Variants in GRHL1 observed in about 807,000 individuals in gnomAD.
GRHL1 encodes the protein grainyhead like transcription factor 1.
A neutral mutation model predicts 75.7 loss-of-function variants in GRHL1; 38 were observed. That is an observed-to-expected ratio of 0.50 (90% CI 0.39 to 0.66). The LOEUF (loss-of-function observed/expected upper bound fraction) is 0.66. Among genes scored for constraint, GRHL1 ranks in the 30% least tolerant of loss-of-function variants. The probability of loss-of-function intolerance (pLI) is 0.00; values close to 1 mark genes in which losing one functional copy is unlikely to be tolerated. For missense variants in GRHL1, 589 were observed against 767.5 expected, an observed-to-expected ratio of 0.77 and a Z score of 2.75; for synonymous variants, 266 against 279.4, an observed-to-expected ratio of 0.95 and a Z score of 0.48.
At chr2:9,969,161 G>T (rs562350223) in intron 8 of GRHL1, among the ~76,000 whole-genome samples, 15 of 152,292 alleles carry the variant, frequency 9.8e-5, no homozygotes, top group African/African-American at 2.4e-5. Context: ...ATTGAGATTT[G>T]CTGAGTGATA....
chr2:9,957,634 C>T (rs1356974253), intron 2 of GRHL1, among the ~76,000 whole-genome samples: 2 of 152,088 alleles, frequency 1.3e-5, no homozygotes, highest in South Asian at 2.1e-4. Flanking sequence ...TGGTCTCGAT[C>T]TCTTGACCTT....
chr2:9,980,532 T>G (rs1034837234), intron 8 of GRHL1, among the ~76,000 whole-genome samples: 3 of 152,206 alleles, frequency 2.0e-5, no homozygotes, highest in African/African-American at 7.2e-5. Context: ...AGGAATCTTG[T>G]AGAGCACCTT....
chr2:9,996,491 T>TA (rs1327212087), intron 14 of GRHL1, 90 bp downstream of exon 14: 1 of 931,556 alleles, frequency 1.1e-6, no homozygotes, highest in African/African-American at 1.6e-5. Flanking sequence ...ATGATCCAAA[T>TA]CCTTTGTCAG....
At chr2:9,955,784 T>A (rs1214651838) in intron 2 of GRHL1, among the ~76,000 whole-genome samples, 1 of 152,242 alleles carries the variant, frequency 6.6e-6, no homozygotes, top group Non-Finnish European at 1.5e-5. Flanking sequence ...GGGGCCCTAG[T>A]CTGGTCCATG....
At chr2:9,961,986 T>A (rs915796030) in intron 4 of GRHL1, among the ~76,000 whole-genome samples, 6 of 152,108 alleles carry the variant, frequency 3.9e-5, no homozygotes, top group African/African-American at 1.4e-4. Context: ...AGTGACTTGG[T>A]GGGGTAAAGA....
intron 14 of GRHL1, 24 bp downstream of exon 14, chr2:9,996,425 C>A (rs751982397): frequency 1.4e-6 from 2 of 1,397,510 alleles, no homozygotes; most frequent in East Asian, 2.3e-5. Context: ...ACTCTGTAAT[C>A]CCCTGTACAA....
At position 9,951,767 on chromosome 2, in the gene GRHL1, C is replaced by T; in HGVS notation, c.-67C>T. On this transcript the variant is annotated 5_prime_UTR_variant, in exon 1 of 16. Transcript: ENST00000324907. This position sits in a 1 kb window ranked among gnomAD's most constrained non-coding sequence, Gnocchi z 4.2. ...CAGCCGCCGCCGCCGCCTCCTCCCC[C>T]CGGATCGGGTGTACTGTCCCAACCC... The T allele has an allele frequency of 1.4e-6, 2 of 1,452,410 alleles. No homozygotes were observed. Among genetic ancestry groups the T allele is most frequent in the Non-Finnish European group, 1.8e-6 (2 of 1,086,312 alleles). The allele number at this position is 1,452,410 out of a possible 1,614,324, so 90.0% of individuals were successfully genotyped here.
At chr2:9,995,547 T>G (rs1171102176) in intron 12 of GRHL1, among the ~76,000 whole-genome samples, 1 of 148,836 alleles carries the variant, frequency 6.7e-6, no homozygotes, top group Non-Finnish European at 1.5e-5. Flanking sequence ...ATTGCACCAC[T>G]GCACTCCAGC....
chr2:9,984,280 G>C (rs1036275890), intron 8 of GRHL1, among the ~76,000 whole-genome samples: 2 of 152,160 alleles, frequency 1.3e-5, no homozygotes, highest in Admixed American at 6.5e-5. Flanking sequence ...ATTCTTGGCT[G>C]TTGACCCAGG....
chr2:9,955,348 C>T (rs1287691615), intron 2 of GRHL1, among the ~76,000 whole-genome samples: 2 of 152,108 alleles, frequency 1.3e-5, no homozygotes, highest in African/African-American at 2.4e-5. Context: ...GTGAAGCTAC[C>T]GTAAAAGAAG....
chr2:9,973,030 A>G (rs1206352636), intron 8 of GRHL1, among the ~76,000 whole-genome samples: 1 of 152,200 alleles, frequency 6.6e-6, no homozygotes, highest in Non-Finnish European at 1.5e-5. Flanking sequence ...AACGCCCCAC[A>G]TAGATGTGGG....
chr2:9,953,992 T>G (rs1349160247), intron 1 of GRHL1, among the ~76,000 whole-genome samples: 6 of 152,244 alleles, frequency 3.9e-5, no homozygotes, highest in African/African-American at 1.4e-4. Flanking sequence ...GAACAGTTGT[T>G]GAGACTGTTT....
At chr2:9,994,040 C>T (rs1668752253) in intron 12 of GRHL1, among the ~76,000 whole-genome samples, 1 of 151,720 alleles carries the variant, frequency 6.6e-6, no homozygotes, top group African/African-American at 2.4e-5. Context: ...GCCCCCTACT[C>T]ATGCTGCCTA....
At position 10,000,799 on chromosome 2, in the gene GRHL1, C is replaced by A; in HGVS notation, c.*92C>A. ...TGCAGGTAACCCCAGTCAGCCATGT[C>A]GCCAGCACAGGTCTATGTCGAGGGA... On this transcript the variant is annotated 3_prime_UTR_variant, in exon 16 of 16. Transcript: ENST00000324907. The A allele has an allele frequency of 1.4e-6, 1 of 716,462 alleles. No individual in the cohort carries two copies. Among genetic ancestry groups the A allele is most frequent in the South Asian group, 1.7e-5 (1 of 58,420 alleles). The allele number at this position is 716,462 out of a possible 1,614,324, so 44.4% of individuals were successfully genotyped here. A position where few individuals can be genotyped will look rare whatever the true frequency, so the allele number is the denominator to read the frequency against.
chr2:9,958,071 A>G (rs1667108764), intron 2 of GRHL1, among the ~76,000 whole-genome samples: 1 of 152,152 alleles, frequency 6.6e-6, no homozygotes, highest in Admixed American at 6.5e-5. Context: ...GGTAGGAAAG[A>G]GCACTGAGAA....
rs1668575829 is a variant in GRHL1, at chr2:9,990,053, C to G, written c.1270-643C>G. On this transcript the variant is annotated intron_variant, in intron 9 of 15. Coordinates refer to ENST00000324907, the MANE Select transcript of GRHL1 (RefSeq NM_198182.3). The surrounding 1 kb of genome is among the most constrained non-coding windows in gnomAD (Gnocchi z 4.2). ...TCTTTCATTTCCTTTTCCTACTGGA[C>G]AAAGGGAAAATACCCTTGTGTCTTT... 1.3e-5 allele frequency among the ~76,000 whole-genome samples: 2 copies of G among 152,076 alleles called. No homozygotes were observed. The highest frequency in any genetic ancestry group is 4.1e-4 in the South Asian group (2 of 4,828).
intron 9 of GRHL1, among the ~76,000 whole-genome samples, chr2:9,988,889 A>G (rs746130412): frequency 6.6e-5 from 10 of 152,120 alleles, no homozygotes; most frequent in Non-Finnish European, 1.5e-4. Flanking sequence ...TATTCTTTAT[A>G]GATACACAGA....
Position 9,990,191 on chromosome 2 carries a change from C to T in GRHL1, c.1270-505C>T, listed in dbSNP as rs188559232. On this transcript the variant is annotated intron_variant, in intron 9 of 15. Transcript: ENST00000324907. The surrounding 1 kb of genome is among the most constrained non-coding windows in gnomAD (Gnocchi z 4.2). ...TGAGACAGAGTTTCGCTTTGTCACC[C>T]AGGCTGGAGTGCAGTGGTGTGATCT... Among the ~76,000 whole-genome samples the T allele has an allele frequency of 1.2e-3, 178 of 152,142 alleles. 1 individual carries two copies. The highest frequency in any genetic ancestry group is 4.2e-3 in the African/African-American group (174 of 41,504).
rs776570145 is a variant in GRHL1 at position 9,998,989 on chromosome 2, C to T, written c.1702C>T (p.His568Tyr). 3.2e-6 allele frequency: 5 copies of T among 1,577,808 alleles called. No individual in the cohort carries two copies. Among genetic ancestry groups the T allele is most frequent in the Non-Finnish European group, 4.3e-6 (5 of 1,157,830 alleles). Reference protein sequence around the residue: ...EAISDKYDVPHDKIGKIFKKC... With the variant: ...EAISDKYDVPYDKIGKIFKKC... ...GATCTCAGACAAATACGATGTTCCC[C>T]ATGACAAGATTGGGAAAATATTCAA... Residue 568 changes from histidine to tyrosine, a missense_variant, in exon 15 of 16, where the codon CAT becomes TAT. By Grantham distance (83) the His-to-Tyr change is moderately conservative. Transcript: ENST00000324907.
Sources: gnomAD v4.1 joint callset for allele counts (sites outside exome capture counted in the v4.1 genomes callset) on GRCh38, gnomAD v4.1.1 for gene constraint, Gnocchi (gnomAD v3.1) non-coding constraint, MANE v1.5 for transcripts, NCBI Gene and HGNC (gene_info 2026-07-23, HGNC 2026-07-21) for gene names.